The following TTLL9 variants were observed in gnomAD, a reference collection of about 807,000 sequenced individuals.
TTLL9 encodes probable tubulin polyglutamylase TTLL9.
Under a neutral mutation model 65.6 loss-of-function variants are expected in TTLL9, and 47 were observed. The observed-to-expected ratio is 0.72, with a 90% confidence interval of 0.57 to 0.91. The LOEUF (loss-of-function observed/expected upper bound fraction) is 0.91, where lower values mean the gene tolerates loss of function less well. Ranked by LOEUF, TTLL9 falls within the 40% of genes least tolerant of loss-of-function variation. The probability of loss-of-function intolerance (pLI) is 0.00; values close to 1 mark genes in which losing one functional copy is unlikely to be tolerated. For synonymous variants in TTLL9, 179 were observed against 204.8 expected (o/e 0.87, Z 1.07); for missense variants, 537 against 568.8 (o/e 0.94, Z 0.57).
chr20:31,907,747 C>T (rs1016313986), intron 4 of TTLL9, among the ~76,000 whole-genome samples: 8 of 151,730 alleles, frequency 5.3e-5, no homozygotes, highest in Admixed American at 3.3e-4. Flanking sequence ...AAAACCACTG[C>T]ATAGAAATGA....
At chr20:31,879,989 T>C in intron 2 of TTLL9, 1 of 387,804 alleles carries the variant, frequency 2.6e-6, no homozygotes, top group Non-Finnish European at 4.6e-6. Flanking sequence ...GGATGGGTGT[T>C]CCTCGCGGAA....
intron 3 of TTLL9, among the ~76,000 whole-genome samples, chr20:31,894,742 C>G (rs989531525): frequency 1.4e-5 from 2 of 143,808 alleles, no homozygotes; most frequent in Non-Finnish European, 3.0e-5. Flanking sequence ...CACACACACA[C>G]ACATACGTAC....
At position 31,923,003 on chromosome 20, in the gene TTLL9, T is replaced by C. The variant is rs1600600307; in HGVS notation, c.614T>C (p.Val205Ala). The C allele has an allele frequency of 3.1e-6, 5 of 1,614,112 alleles. No individual in the cohort carries two copies. The East Asian group carries it at 1.1e-4, about 36-fold the overall frequency. Residue 205 changes from valine (V) to alanine (A), a missense_variant, in exon 8 of 15, where the codon GTG (valine) becomes GCG (alanine). By Grantham distance (64) the Val-to-Ala change is moderately conservative. Transcript: ENST00000535842. ...SSDDQKDDIP[V>A]ENYVAQRYIE... is the part of the protein sequence containing the mutation. ...GACGACCAGAAAGATGATATTCCCG[T>C]GGAGAACTATGTGGCTCAGCGTTAC...
At chr20:31,924,406 G>C (rs913095595) in intron 8 of TTLL9, among the ~76,000 whole-genome samples, 1 of 151,422 alleles carries the variant, frequency 6.6e-6, no homozygotes, top group Non-Finnish European at 1.5e-5. Flanking sequence ...GACTGTTCTC[G>C]CAGTTCCTTC....
intron 2 of TTLL9, among the ~76,000 whole-genome samples, chr20:31,880,935 C>T (rs1415855574): frequency 6.9e-6 from 1 of 145,046 alleles, no homozygotes; most frequent in African/African-American, 2.6e-5. Flanking sequence ...GCTCAGTCGA[C>T]TTCCTGGACT....
chr20:31,897,658 C>T (rs960085583), intron 3 of TTLL9, among the ~76,000 whole-genome samples: 1 of 152,086 alleles, frequency 6.6e-6, no homozygotes. Flanking sequence ...GGCTCATTAC[C>T]GCCTGGCAGG....
intron 6 of TTLL9, among the ~76,000 whole-genome samples, chr20:31,911,785 C>T (rs1471267478): frequency 6.6e-6 from 1 of 151,630 alleles, no homozygotes; most frequent in Non-Finnish European, 1.5e-5. Flanking sequence ...ACAACGGCAG[C>T]TACAGCTGTA....
At chr20:31,935,069 G>A (rs903807326) in intron 12 of TTLL9, among the ~76,000 whole-genome samples, 181 bp downstream of exon 12, 1 of 152,116 alleles carries the variant, frequency 6.6e-6, no homozygotes, top group African/African-American at 2.4e-5. Context: ...CTATCCATAG[G>A]TCATTAGAGG....
rs1358757381 is a variant in TTLL9, at chr20:31,908,706, A to G, written c.318+4A>G. 1.9e-6 allele frequency: 3 copies of G among 1,612,720 alleles called. No homozygotes were observed. The highest frequency in any genetic ancestry group is 2.5e-6 in the Non-Finnish European group (3 of 1,178,830). ...TCACTTCCGGAACCACTATGAGGTGAGCTGGGCAGGCGGGAGGGACTGTGC... is the reference window on the plus strand; with the variant it reads ...TCACTTCCGGAACCACTATGAGGTGGGCTGGGCAGGCGGGAGGGACTGTGC... On this transcript the variant is annotated splice_donor_region_variant and intron_variant, in intron 5 of 14. Transcript: ENST00000535842.
intron 2 of TTLL9, among the ~76,000 whole-genome samples, chr20:31,872,810 G>A (rs763398997): frequency 1.4e-4 from 22 of 152,256 alleles, no homozygotes; most frequent in Non-Finnish European, 2.5e-4. Context: ...TAAAAAGCCA[G>A]TGGGACTGGA....
intron 2 of TTLL9, among the ~76,000 whole-genome samples, chr20:31,885,466 G>A (rs2063176065): frequency 6.6e-6 from 1 of 152,182 alleles, no homozygotes; most frequent in Admixed American, 6.6e-5. Flanking sequence ...AGGCTCTGGA[G>A]CAACTGGATA....
chr20:31,934,456 C>T (rs545334861), intron 11 of TTLL9: 11 of 664,284 alleles, frequency 1.7e-5, no homozygotes, highest in Middle Eastern at 2.4e-4. Context: ...AAGGGGCCTA[C>T]GCAGGCCATG....
intron 4 of TTLL9, chr20:31,901,553 G>A (rs2063480876): frequency 6.6e-6 from 1 of 152,188 alleles, no homozygotes; most frequent in South Asian, 2.1e-4. Context: ...AAATCCACAC[G>A]GTGGTCTACA....
At position 31,920,470 on chromosome 20, in the gene TTLL9, C is replaced by G. The variant is rs138135077; in HGVS notation, c.573+538C>G. 3.7e-3 allele frequency among the ~76,000 whole-genome samples: 561 copies of G among 152,356 alleles called. 5 individuals carry two copies. Among genetic ancestry groups the G allele is most frequent in the African/African-American group, 0.013 (536 of 41,580 alleles). On this transcript the variant is annotated intron_variant, in intron 7 of 14. Coordinates refer to ENST00000535842, the MANE Select transcript of TTLL9 (RefSeq NM_001008409.5). The stretch of plus-strand genomic sequence containing the variant: ...CCTGGTTCAAATCCTGCCTCTCCCA[C>G]TCAGCAGCTGTGTGGTCTTGGGAAA...
chr20:31,891,919 C>T (rs927027847), intron 3 of TTLL9, among the ~76,000 whole-genome samples: 2 of 151,780 alleles, frequency 1.3e-5, no homozygotes, highest in Non-Finnish European at 2.9e-5. Context: ...TCTCCTGCCT[C>T]GGCCTCCCGA....
rs534830790 is a variant in TTLL9 at position 31,871,421 on chromosome 20, G to A, written c.69+226G>A. Among the ~76,000 whole-genome samples the A allele has an allele frequency of 5.9e-5, 9 of 152,230 alleles. No individual in the cohort carries two copies. The East Asian group carries it at 1.7e-3, about 29-fold the overall frequency. On this transcript the variant is annotated intron_variant, in intron 2 of 14. Transcript: ENST00000535842. The stretch of plus-strand genomic sequence containing the variant: ...GAGGTGAGCCCTTCCTGGCTTCTAG[G>A]ACCAAAGCTGGAGAATGTAAAATAA...
At chr20:31,900,761 G>A (rs190811051) in intron 4 of TTLL9, among the ~76,000 whole-genome samples, 1 of 152,314 alleles carries the variant, frequency 6.6e-6, no homozygotes, top group East Asian at 1.9e-4. Flanking sequence ...AGGAGAGTTA[G>A]AAGAGAGTGA....
chr20:31,910,214 A>G (rs1354702830), intron 6 of TTLL9, among the ~76,000 whole-genome samples: 3 of 152,214 alleles, frequency 2.0e-5, no homozygotes, highest in African/African-American at 7.2e-5. Flanking sequence ...GCGTTACCCC[A>G]GTCCTCATAG....
chr20:31,883,474 G>T (rs572563357), intron 2 of TTLL9, among the ~76,000 whole-genome samples: 16 of 152,224 alleles, frequency 1.1e-4, no homozygotes, highest in African/African-American at 3.9e-4. Context: ...GGGATTACAG[G>T]CCTGAGCCAC....
Sources: gnomAD v4.1 joint callset for allele counts (sites outside exome capture counted in the v4.1 genomes callset) on GRCh38, gnomAD v4.1.1 for gene constraint, MANE v1.5 for transcripts, NCBI Gene and HGNC (gene_info 2026-07-23, HGNC 2026-07-21) for gene names.